Variants in CPQ observed in about 807,000 individuals in gnomAD.
The protein encoded by CPQ is Ser-Met dipeptidase.
Under a neutral mutation model 45.7 loss-of-function variants are expected in CPQ, and 37 were observed. The ratio of observed to expected loss-of-function variants is 0.81; its 90% CI spans 0.62 to 1.07. The LOEUF is 1.07. CPQ is among the 50% of genes least tolerant of loss of function. CPQ has a pLI of 0.00. For missense variants in CPQ, 537 were observed against 572.9 expected (o/e 0.94, Z 0.64); for synonymous variants, 186 against 205.8 (o/e 0.90, Z 0.82).
chr8:96,927,928 G>A (rs191007298), intron 4 of CPQ, among the ~76,000 whole-genome samples: 135 of 152,178 alleles, frequency 8.9e-4, no homozygotes, highest in Middle Eastern at 3.4e-3. Context: ...TTTAATTCTG[G>A]TTTATTCCTC....
intron 4 of CPQ, among the ~76,000 whole-genome samples, chr8:96,948,370 T>A (rs2130333022): frequency 6.6e-6 from 1 of 152,250 alleles, no homozygotes; most frequent in Non-Finnish European, 1.5e-5. Flanking sequence ...TTGAGGTATT[T>A]CTAATTTCCT....
At chr8:97,026,673 G>C (rs773303122) in intron 5 of CPQ, among the ~76,000 whole-genome samples, 1 of 152,214 alleles carries the variant, frequency 6.6e-6, no homozygotes, top group Non-Finnish European at 1.5e-5. Context: ...TGAGTACTAA[G>C]CTTCTCAAGG....
chr8:97,085,461 C>G (rs1341530670), intron 7 of CPQ, among the ~76,000 whole-genome samples: 1 of 151,894 alleles, frequency 6.6e-6, no homozygotes, highest in African/African-American at 2.4e-5. Context: ...TCTTCCTGAC[C>G]CATAAGCAAA....
At chr8:96,976,763 C>T (rs752588325) in intron 5 of CPQ, among the ~76,000 whole-genome samples, 1 of 151,974 alleles carries the variant, frequency 6.6e-6, no homozygotes, top group Non-Finnish European at 1.5e-5. Context: ...GACGCCTATT[C>T]AATAAATGGT....
At chr8:97,129,895 C>T (rs912435239) in intron 7 of CPQ, among the ~76,000 whole-genome samples, 2 of 152,112 alleles carry the variant, frequency 1.3e-5, no homozygotes, top group African/African-American at 4.8e-5. Context: ...TTAGTGGGAG[C>T]TCAGTAGATA....
chr8:96,782,513 T>C (rs891091968), intron 1 of CPQ, among the ~76,000 whole-genome samples: 1 of 152,158 alleles, frequency 6.6e-6, no homozygotes, highest in Non-Finnish European at 1.5e-5. Flanking sequence ...CAGAGATCCC[T>C]GAAGTGCCTT....
rs1277923781 is a variant in CPQ, at chr8:96,874,891, G to A, written c.642-4907G>A. Among the ~76,000 whole-genome samples, 5 of 152,000 alleles carry A rather than the reference G, an allele frequency of 3.3e-5. No homozygotes were observed. The East Asian group carries it at 7.7e-4, about 23-fold the overall frequency. ...TTGCTGGGCCATGTGATAAGTACAT[G>A]TTTAACTTTTTGAAGAACTGTCAAA... On this transcript the variant is annotated intron_variant, in intron 3 of 7. Coordinates refer to ENST00000220763, the MANE Select transcript of CPQ (RefSeq NM_016134.4).
At chr8:96,653,633 C>T (rs1454405541) in intron 1 of CPQ, among the ~76,000 whole-genome samples, 1 of 152,134 alleles carries the variant, frequency 6.6e-6, no homozygotes, top group Non-Finnish European at 1.5e-5. Flanking sequence ...GTAATATATA[C>T]TATCTGCTTA....
intron 2 of CPQ, among the ~76,000 whole-genome samples, chr8:96,826,369 C>A (rs1811378754): frequency 6.6e-6 from 1 of 152,002 alleles, no homozygotes; most frequent in South Asian, 2.1e-4. Context: ...ACTTTAAATT[C>A]AGAGCCCCTG....
intron 1 of CPQ, among the ~76,000 whole-genome samples, chr8:96,670,248 A>G (rs966270639): frequency 3.9e-5 from 6 of 152,302 alleles, no homozygotes; most frequent in African/African-American, 1.4e-4. Context: ...GAGAGCTAAA[A>G]CAAGAAGGCA....
At chr8:96,970,982 G>C (rs1370900303) in intron 5 of CPQ, among the ~76,000 whole-genome samples, 1 of 152,164 alleles carries the variant, frequency 6.6e-6, no homozygotes, top group African/African-American at 2.4e-5. Flanking sequence ...GTGTCCTATG[G>C]TCAGATAAGT....
intron 4 of CPQ, among the ~76,000 whole-genome samples, chr8:96,881,454 T>G (rs1408455856): frequency 2.0e-5 from 3 of 152,142 alleles, no homozygotes; most frequent in Non-Finnish European, 4.4e-5. Context: ...TGCTAAATCA[T>G]TCATGAGAAA....
chr8:97,067,124 G>A (rs891567638), intron 7 of CPQ, among the ~76,000 whole-genome samples: 9 of 151,394 alleles, frequency 5.9e-5, no homozygotes, highest in South Asian at 2.1e-4. Flanking sequence ...ACAGAGTTTC[G>A]CCATGTTGCC....
intron 6 of CPQ, among the ~76,000 whole-genome samples, chr8:97,047,885 T>C (rs1586514001): frequency 6.6e-6 from 1 of 152,342 alleles, no homozygotes; most frequent in East Asian, 1.9e-4. Context: ...ACTGCCTTCA[T>C]CTTCAAATAA....
chr8:97,104,433 G>A (rs1247729616), intron 7 of CPQ, among the ~76,000 whole-genome samples: 1 of 152,048 alleles, frequency 6.6e-6, no homozygotes, highest in Non-Finnish European at 1.5e-5. Flanking sequence ...GGATCTTTTT[G>A]GTAAATCATA....
chr8:97,035,884 T>C (rs1257521982), intron 6 of CPQ, among the ~76,000 whole-genome samples: 1 of 152,068 alleles, frequency 6.6e-6, no homozygotes, highest in Non-Finnish European at 1.5e-5. Flanking sequence ...ATTTTTTGTA[T>C]TTTTAGTAGA....
chr8:96,851,346 G>A (rs182642513), intron 3 of CPQ, among the ~76,000 whole-genome samples: 7 of 152,288 alleles, frequency 4.6e-5, no homozygotes, highest in Non-Finnish European at 5.9e-5. Context: ...AGAGTATTTG[G>A]TTCATTTGTG....
chr8:96,958,419 G>C (rs772456059), intron 4 of CPQ, among the ~76,000 whole-genome samples: 3 of 150,394 alleles, frequency 2.0e-5, no homozygotes, highest in Non-Finnish European at 2.9e-5. Context: ...AGGCTAAATA[G>C]AGGAGGAATT....
intron 4 of CPQ, among the ~76,000 whole-genome samples, chr8:96,884,399 TA>T (rs1266926936): frequency 6.6e-6 from 1 of 152,186 alleles, no homozygotes; most frequent in Non-Finnish European, 1.5e-5. Context: ...AAAGTTATTT[TA>T]AAACATTTGA....
Sources: gnomAD v4.1 joint callset for allele counts (sites outside exome capture counted in the v4.1 genomes callset) on GRCh38, gnomAD v4.1.1 for gene constraint, MANE v1.5 for transcripts, NCBI Gene and HGNC (gene_info 2026-07-23, HGNC 2026-07-21) for gene names.